Variants in SLC23A2 observed in about 807,000 individuals in gnomAD.
The protein encoded by SLC23A2 is Na(+)/L-ascorbic acid transporter 2.
In SLC23A2, 36 loss-of-function variants were observed where a neutral mutation model predicts 73.3. The ratio of observed to expected loss-of-function variants is 0.49; its 90% CI spans 0.38 to 0.65. SLC23A2 has a LOEUF of 0.65. Ranked by LOEUF, SLC23A2 falls within the 30% of genes least tolerant of loss-of-function variation. The pLI is 0.00. For missense variants in SLC23A2, 507 were observed against 841.6 expected, an observed-to-expected ratio of 0.60 and a Z score of 4.92; for synonymous variants, 343 against 327.3, an observed-to-expected ratio of 1.05 and a Z score of -0.52.
chr20:4,993,055 G>A (rs918787461), intron 1 of SLC23A2, among the ~76,000 whole-genome samples: 1 of 151,738 alleles, frequency 6.6e-6, no homozygotes, highest in Admixed American at 6.6e-5. Context: ...GAGGCAGGTG[G>A]ATCACGAGGT....
intron 1 of SLC23A2, among the ~76,000 whole-genome samples, chr20:5,008,864 G>A (rs2122411321): frequency 6.6e-6 from 1 of 152,142 alleles, no homozygotes; most frequent in South Asian, 2.1e-4. Context: ...ACCACGCTCG[G>A]CCCTACCACC....
chr20:4,859,378 G>A lies in SLC23A2; in HGVS notation c.1631C>T (p.Thr544Ile). The A allele has an allele frequency of 2.5e-6, 4 of 1,606,976 alleles. No individual in the cohort carries two copies. Among genetic ancestry groups the A allele is most frequent in the Non-Finnish European group, 3.4e-6 (4 of 1,173,582 alleles). ...LRQNPLVTGI[T>I]GIDQVLNVLL... Reference sequence around the variant, plus strand: ...GACGTTCAACACTTGATCGATTCCTGTTATCCCTAGAAAGAGAACACAGCC... The same window carrying A: ...GACGTTCAACACTTGATCGATTCCTATTATCCCTAGAAAGAGAACACAGCC... The change falls in exon 16 of 17, where the codon ACA (threonine) becomes ATA (isoleucine). Residue 544 changes from threonine (T) to isoleucine (I), a missense_variant. By Grantham distance (89) the Thr-to-Ile change is moderately conservative. Around this residue, in one of 5 missense-constraint regions of SLC23A2, gnomAD observed 168 missense variants for 302.3 expected, o/e 0.56. Coordinates refer to ENST00000338244, the MANE Select transcript of SLC23A2 (RefSeq NM_005116.6).
chr20:4,997,399 C>T (rs549763917), intron 1 of SLC23A2, among the ~76,000 whole-genome samples: 2 of 151,536 alleles, frequency 1.3e-5, no homozygotes, highest in South Asian at 2.1e-4. Context: ...CTGTTTCCTC[C>T]CCTCAGAATG....
At chr20:4,861,837 G>A in intron 15 of SLC23A2, 111 bp downstream of exon 15, 1 of 1,076,262 alleles carries the variant, frequency 9.3e-7, no homozygotes, top group Middle Eastern at 2.7e-4. Context: ...AGACGCATCT[G>A]CACCACAGCT....
At chr20:4,984,070 T>C (rs991949104) in intron 1 of SLC23A2, among the ~76,000 whole-genome samples, 4 of 151,984 alleles carry the variant, frequency 2.6e-5, no homozygotes, top group Admixed American at 2.6e-4. Flanking sequence ...TATTAAGGAC[T>C]CTTACGACTC....
At chr20:4,961,436 C>T (rs1381186185) in intron 2 of SLC23A2, among the ~76,000 whole-genome samples, 1 of 152,174 alleles carries the variant, frequency 6.6e-6, no homozygotes, top group Non-Finnish European at 1.5e-5. Context: ...TCCAATCCCC[C>T]AGAGTGGGGC....
intron 2 of SLC23A2, among the ~76,000 whole-genome samples, chr20:4,959,695 G>A (rs187995777): frequency 4.9e-4 from 74 of 152,142 alleles, no homozygotes; most frequent in Middle Eastern, 3.4e-3. Flanking sequence ...ATGAGGTTTC[G>A]TCATGTTGCT....
chr20:4,867,357 C>T (rs1930244383), intron 13 of SLC23A2, among the ~76,000 whole-genome samples: 2 of 152,184 alleles, frequency 1.3e-5, no homozygotes, highest in African/African-American at 4.8e-5. Context: ...ATCACCCTCT[C>T]CCCAAGCTTC....
chr20:4,980,029 A>C (rs1162715773), intron 1 of SLC23A2, among the ~76,000 whole-genome samples: 1 of 152,212 alleles, frequency 6.6e-6, no homozygotes, highest in Non-Finnish European at 1.5e-5. Flanking sequence ...CAAAAGAATC[A>C]TTAAAAAGTA....
intron 3 of SLC23A2, among the ~76,000 whole-genome samples, chr20:4,927,669 C>A (rs1212101620): frequency 6.6e-6 from 1 of 152,206 alleles, no homozygotes; most frequent in Non-Finnish European, 1.5e-5. Context: ...TCTCCAAAGC[C>A]AACATATACC....
chr20:4,855,684 C>A lies in SLC23A2; in HGVS notation c.*1288G>T, dbSNP rs1038906156. 16 of 152,660 alleles carry A rather than the reference C, an allele frequency of 1.0e-4. No homozygotes were observed. The highest frequency in any genetic ancestry group is 3.6e-4 in the African/African-American group (15 of 41,450). The allele number at this position is 152,660 out of a possible 1,614,324, so 9.5% of individuals were successfully genotyped here. A position where few individuals can be genotyped will look rare whatever the true frequency, so the allele number is the denominator to read the frequency against. On this transcript the variant is annotated 3_prime_UTR_variant, in exon 17 of 17. Coordinates refer to ENST00000338244, the MANE Select transcript of SLC23A2 (RefSeq NM_005116.6). ...TGCAACAGAAGCCCGGCAAGCGGGA[C>A]AGACCGGCGGACAGACCGTTCCACG... is the stretch of plus-strand genomic sequence containing the variant.
rs191440602 is a variant in SLC23A2, at chr20:4,913,012, C to T, written c.109-34G>A. ...ACAATCCACTTAGAGGCTGTTTCAG[C>T]GTGAACCACATTTTCCTCCCCCCGA... On this transcript the variant is annotated intron_variant, in intron 3 of 16. Transcript: ENST00000338244. 9.1e-5 allele frequency: 129 copies of T among 1,416,464 alleles called. 1 individual carries two copies. The highest frequency in any genetic ancestry group is 7.0e-4 in the Middle Eastern group (4 of 5,728). 87.7% of individuals were successfully genotyped at this position (1,416,464 alleles called of 1,614,324 possible).
Position 4,872,716 on chromosome 20 carries a change from C to T in SLC23A2, c.1102+1220G>A, listed in dbSNP as rs1211542035. ...AAAAGAATAGGTCTGTATAAATGCACACTTAGACCATACAATCTGATGAGA... is the reference window on the plus strand; with the variant it reads ...AAAAGAATAGGTCTGTATAAATGCATACTTAGACCATACAATCTGATGAGA... On this transcript the variant is annotated intron_variant, in intron 11 of 16. Coordinates refer to ENST00000338244, the MANE Select transcript of SLC23A2 (RefSeq NM_005116.6). The surrounding 1 kb of genome is among the most constrained non-coding windows in gnomAD (Gnocchi z 4.4). 6.6e-6 allele frequency among the ~76,000 whole-genome samples: 1 copy of T among 152,184 alleles called. No homozygotes were observed. The highest frequency in any genetic ancestry group is 2.4e-5 in the African/African-American group (1 of 41,444).
intron 3 of SLC23A2, among the ~76,000 whole-genome samples, chr20:4,914,537 T>C (rs989873528): frequency 1.3e-5 from 2 of 151,974 alleles, no homozygotes; most frequent in African/African-American, 4.8e-5. Flanking sequence ...AATTTGGCAA[T>C]GGGATTTAAA....
chr20:5,000,487 A>G (rs1242170028), intron 1 of SLC23A2, among the ~76,000 whole-genome samples: 3 of 152,070 alleles, frequency 2.0e-5, no homozygotes, highest in Non-Finnish European at 4.4e-5. Context: ...CCCAATTGTC[A>G]GCAGGGACTG....
In SLC23A2 at chr20:4,975,684, T is replaced by G. The variant is rs1012975319; in HGVS notation, c.-281-4765A>C. On this transcript the variant is annotated intron_variant, in intron 1 of 16. Transcript: ENST00000338244. ...GCGTGAGCCACCGTGCCCCGCCTGT[T>G]TTTTTTTTTTTAATTTTTGCAAATA... Among the ~76,000 whole-genome samples, 5 of 140,310 alleles carry G rather than the reference T, an allele frequency of 3.6e-5. No individual in the cohort carries two copies. The South Asian group carries it at 8.7e-4, about 24-fold the overall frequency. The allele number at this position is 140,310 out of a possible 152,430, so 92.0% of individuals were successfully genotyped here. A position where few individuals can be genotyped will look rare whatever the true frequency, so the allele number is the denominator to read the frequency against.
rs753268935 is a variant in SLC23A2, at chr20:4,869,929, G to C, written c.1227C>G (p.Pro409=). ...YACARLSCAP[P]PPIHAINRGI... ...ACCTGTTTATTGCGTGGATGGGGGG[G>C]GGTGGGGCACAGGACAGCCGTGCAC... The change falls in exon 12 of 17, where the codon CCC becomes CCG. Residue 409 remains proline, a synonymous_variant. Coordinates refer to ENST00000338244, the MANE Select transcript of SLC23A2 (RefSeq NM_005116.6). 4.4e-5 allele frequency: 70 copies of C among 1,609,054 alleles called. No homozygotes were observed. Among genetic ancestry groups the C allele is most frequent in the Middle Eastern group, 1.7e-4 (1 of 6,046 alleles).
intron 1 of SLC23A2, among the ~76,000 whole-genome samples, chr20:4,995,731 T>C (rs1187649841): frequency 2.0e-5 from 3 of 152,166 alleles, no homozygotes; most frequent in Non-Finnish European, 1.5e-5. Context: ...CTGACTCTAC[T>C]TGTCAGCGCT....
intron 1 of SLC23A2, among the ~76,000 whole-genome samples, chr20:4,988,652 C>T (rs1336703176): frequency 2.0e-5 from 3 of 151,146 alleles, no homozygotes; most frequent in Non-Finnish European, 4.4e-5. Context: ...AGGAGAATCA[C>T]TTGAACCCAG....
Sources: gnomAD v4.1 joint callset for allele counts (sites outside exome capture counted in the v4.1 genomes callset) on GRCh38, gnomAD v4.1.1 for gene constraint, gnomAD v4.1.1 regional missense constraint, Gnocchi (gnomAD v3.1) non-coding constraint, MANE v1.5 for transcripts, NCBI Gene and HGNC (gene_info 2026-07-23, HGNC 2026-07-21) for gene names.